The following SRSF5 variants were observed in gnomAD, a reference collection of about 807,000 sequenced individuals.
The protein encoded by SRSF5 is serine/arginine-rich splicing factor 5.
A neutral mutation model predicts 34.0 loss-of-function variants in SRSF5; 5 were observed. That is an observed-to-expected ratio of 0.15 (90% CI 0.08 to 0.31). The LOEUF (loss-of-function observed/expected upper bound fraction) is 0.31, where lower values mean the gene tolerates loss of function less well. Among genes scored for constraint, SRSF5 ranks in the 10% least tolerant of loss-of-function variants. The probability of loss-of-function intolerance (pLI) is 1.00; values close to 1 mark genes in which losing one functional copy is unlikely to be tolerated. For synonymous variants in SRSF5, 164 were observed against 117.7 expected (o/e 1.39, Z -2.55); for missense variants, 223 against 351.4 (o/e 0.63, Z 2.92).
At chr14:69,770,360 C>CTT in intron 5 of SRSF5, 107 bp from the exon 6 acceptor site, 1 of 1,490,324 alleles carries the variant, frequency 6.7e-7, no homozygotes, top group South Asian at 1.4e-5. Context: ...CATGTTTGTA[C>CTT]TTTATCTAAC....
chr14:69,768,592 C>G lies in SRSF5; in HGVS notation c.127-12C>G, dbSNP rs1882826586. The G allele has an allele frequency of 6.2e-7, 1 of 1,613,332 alleles. No homozygotes were observed. Among genetic ancestry groups the G allele is most frequent in the Non-Finnish European group, 8.5e-7 (1 of 1,179,430 alleles). ...TAAAGCCAATGTTAAGAGTCTTATG[C>G]TTACATTTTAGGAATTTGAGGATCC... On this transcript the variant is annotated splice_polypyrimidine_tract_variant and intron_variant, in intron 2 of 7. Coordinates refer to ENST00000557154, the MANE Select transcript of SRSF5 (RefSeq NM_001320214.2).
intron 6 of SRSF5, 182 bp from the exon 7 acceptor site, chr14:69,770,813 T>C: frequency 3.0e-6 from 2 of 673,518 alleles, no homozygotes; most frequent in Non-Finnish European, 5.0e-6. Flanking sequence ...CCCTCAACAA[T>C]GAATTGGCTC....
Position 69,768,148 on chromosome 14 carries a change from C to T in SRSF5, c.-9C>T, listed in dbSNP as rs1435559999. 5.0e-6 allele frequency: 8 copies of T among 1,613,978 alleles called. No homozygotes were observed. Among genetic ancestry groups the T allele is most frequent in the South Asian group, 4.4e-5 (4 of 91,082 alleles). ...ATTACTTTCTAATAGGAAGTACTAG[C>T]CGGACATCATGAGTGGCTGTCGGGT... On this transcript the variant is annotated 5_prime_UTR_variant, in exon 2 of 8. Transcript: ENST00000557154.
At chr14:69,767,702 C>T (rs981057831) in intron 1 of SRSF5, 6 of 363,666 alleles carry the variant, frequency 1.6e-5, no homozygotes, top group South Asian at 9.9e-5. Context: ...AGAGCGCCCG[C>T]CCGCTGCTGT....
At chr14:69,767,705 G>T (rs145064400) in intron 1 of SRSF5, 199 of 361,970 alleles carry the variant, frequency 5.5e-4, no homozygotes, top group African/African-American at 3.6e-3. Context: ...GCGCCCGCCC[G>T]CTGCTGTTGG....
Position 69,771,648 on chromosome 14 carries a change from G to T in SRSF5, c.*187G>T. The T allele has an allele frequency of 1.4e-5, 9 of 648,284 alleles. No individual in the cohort carries two copies. The highest frequency in any genetic ancestry group is 1.8e-5 in the Non-Finnish European group (7 of 390,046). The allele number at this position is 648,284 out of a possible 1,614,324, so 40.2% of individuals were successfully genotyped here. The stretch of plus-strand genomic sequence containing the variant: ...ACCAAGGGGTTGTTGAAAACTAATT[G>T]TATTAAATGTCTTTTGATAAGCCTT... On this transcript the variant is annotated 3_prime_UTR_variant, in exon 8 of 8. Coordinates refer to ENST00000557154, the MANE Select transcript of SRSF5 (RefSeq NM_001320214.2).
Position 69,771,255 on chromosome 14 carries a change from C to G in SRSF5, c.613C>G (p.Arg205Gly), listed in dbSNP as rs1332582034. The change falls in exon 8 of 8, where the codon CGT (arginine) becomes GGT (glycine). Residue 205 changes from arginine (R) to glycine (G), a missense_variant. Physicochemically the swap from Arg to Gly is moderately radical, Grantham distance 125. Coordinates refer to ENST00000557154, the MANE Select transcript of SRSF5 (RefSeq NM_001320214.2). Reference protein sequence around the residue: ...RSSSRSRSRSRSRSRKSYSRS... With the variant: ...RSSSRSRSRSGSRSRKSYSRS... ...TTCCTCTAGGTCTCGTAGCCGATCC[C>G]GTTCCCGTAGTCGCAAATCTTACAG... The G allele has an allele frequency of 1.2e-6, 2 of 1,614,094 alleles. No homozygotes were observed. The highest frequency in any genetic ancestry group is 8.5e-7 in the Non-Finnish European group (1 of 1,180,026).
At position 69,771,267 on chromosome 14, in the gene SRSF5, C is replaced by G. The variant is rs549213868; in HGVS notation, c.625C>G (p.Arg209Gly). The G allele has an allele frequency of 2.6e-5, 42 of 1,613,944 alleles. No individual in the cohort carries two copies. Among genetic ancestry groups the G allele is most frequent in the Middle Eastern group, 1.6e-4 (1 of 6,082 alleles). The change falls in exon 8 of 8, where the codon CGC (arginine) becomes GGC (glycine). Residue 209 changes from arginine (R) to glycine (G), a missense_variant. Arg to Gly is a moderately radical substitution (Grantham distance 125). This residue lies in a region of SRSF5 where 115 missense variants were observed against 119.7 expected (regional missense o/e 0.96). Coordinates refer to ENST00000557154, the MANE Select transcript of SRSF5 (RefSeq NM_001320214.2). The part of the protein sequence containing the change: ...RSRSRSRSRS[R>G]KSYSRSRSRS... The stretch of plus-strand genomic sequence containing the variant: ...TCGTAGCCGATCCCGTTCCCGTAGT[C>G]GCAAATCTTACAGCCGGTCAAGAAG...
rs750159616 is a variant in SRSF5, at chr14:69,771,043, A to G, written c.489A>G (p.Lys163=). 7 of 1,613,904 alleles carry G rather than the reference A, an allele frequency of 4.3e-6. No individual in the cohort carries two copies. Among genetic ancestry groups the G allele is most frequent in the African/African-American group, 1.3e-5 (1 of 74,924 alleles). ...GTGACTTAAAGAATGCTATTGAAAA[A>G]CTTTCTGGAAAGGAAATAAATGGGA... ...SYGDLKNAIE[K]LSGKEINGRK... The change falls in exon 7 of 8, where the codon AAA becomes AAG. Residue 163 remains lysine (K), a synonymous_variant. Coordinates refer to ENST00000557154, the MANE Select transcript of SRSF5 (RefSeq NM_001320214.2).
chr14:69,769,393 G>A, intron 5 of SRSF5, 142 bp downstream of exon 5: 1 of 1,498,002 alleles, frequency 6.7e-7, no homozygotes, highest in Non-Finnish European at 8.9e-7. Flanking sequence ...TTAATTAAAT[G>A]TAATTTGGGG....
At chr14:69,769,029 T>A in intron 4 of SRSF5, 133 bp downstream of exon 4, 1 of 1,276,092 alleles carries the variant, frequency 7.8e-7, no homozygotes, top group Non-Finnish European at 1.1e-6. Context: ...AGCCAGTTGT[T>A]CTTGATGAAT....
At chr14:69,767,513 C>T (rs1293442784) in intron 1 of SRSF5, 5 of 455,944 alleles carry the variant, frequency 1.1e-5, no homozygotes, top group Non-Finnish European at 1.8e-5. Flanking sequence ...TCTTCATCTC[C>T]TGGACACGTA....
chr14:69,768,731 G>A, intron 3 of SRSF5, 57 bp downstream of exon 3: 1 of 1,605,278 alleles, frequency 6.2e-7, no homozygotes, highest in East Asian at 2.2e-5. Context: ...GGGTCTGCTG[G>A]CATATTTTTC....
At chr14:69,770,155 ACT>A (rs781115471) in intron 5 of SRSF5, 9 of 1,078,204 alleles carry the variant, frequency 8.3e-6, no homozygotes, top group East Asian at 6.5e-5. Flanking sequence ...AAAAATATGT[ACT>A]GTTTCCTTTT....
intron 5 of SRSF5, chr14:69,769,798 T>TA: frequency 7.4e-7 from 1 of 1,349,218 alleles, no homozygotes; most frequent in Non-Finnish European, 9.5e-7. Context: ...AGTTGAAAGA[T>TA]ACGAAATTAG....
chr14:69,771,599 T>G lies in SRSF5; in HGVS notation c.*138T>G. The G allele has an allele frequency of 1.1e-6, 1 of 928,846 alleles. No homozygotes were observed. Among genetic ancestry groups the G allele is most frequent in the Non-Finnish European group, 1.6e-6 (1 of 636,028 alleles). 57.5% of individuals were successfully genotyped at this position (928,846 alleles called of 1,614,324 possible). A position where few individuals can be genotyped will look rare whatever the true frequency, so the allele number is the denominator to read the frequency against. ...ATTTGGAAGGGGGGTTGGGTTGGGC[T>G]GGATATCTTTGTAGATGTGGACCAC... On this transcript the variant is annotated 3_prime_UTR_variant, in exon 8 of 8. Transcript: ENST00000557154.
rs560656434 is a variant in SRSF5, at chr14:69,768,633, T to C, written c.156T>C (p.Asp52=). ...TTGAGGATCCAAGGGATGCAGATGATGCTGTGTATGAGCTTGATGGAAAAG... is the reference window on the plus strand; with the variant it reads ...TTGAGGATCCAAGGGATGCAGATGACGCTGTGTATGAGCTTGATGGAAAAG... The part of the protein sequence containing the change: ...VEFEDPRDAD[D]AVYELDGKEL... Residue 52 remains aspartate (D), a synonymous_variant, in exon 3 of 8, where the codon GAT becomes GAC. Coordinates refer to ENST00000557154, the MANE Select transcript of SRSF5 (RefSeq NM_001320214.2). 5 of 1,614,250 alleles carry C rather than the reference T, an allele frequency of 3.1e-6. No individual in the cohort carries two copies. In the East Asian group the frequency reaches 6.7e-5, roughly 22 times the overall value.
Position 69,769,201 on chromosome 14 carries a change from A to G in SRSF5, c.316A>G (p.Thr106Ala). Residue 106 changes from threonine to alanine, a missense_variant, in exon 5 of 8, where the codon ACA becomes GCA. By Grantham distance (58) the Thr-to-Ala change is moderately conservative. Coordinates refer to ENST00000557154, the MANE Select transcript of SRSF5 (RefSeq NM_001320214.2). ...CCTCAGAAATGCTCCACCTGTAAGA[A>G]CAGAAAATCGTCTTATAGTTGAGAA... ...NDRRNAPPVR[T>A]ENRLIVENLS... 1 of 1,614,196 alleles carries G rather than the reference A, an allele frequency of 6.2e-7. No individual in the cohort carries two copies. Among genetic ancestry groups the G allele is most frequent in the Non-Finnish European group, 8.5e-7 (1 of 1,180,038 alleles).
At chr14:69,771,154 T>C (rs772880974) in intron 7 of SRSF5, 40 bp from the exon 8 acceptor site, 4 of 1,613,636 alleles carry the variant, frequency 2.5e-6, no homozygotes, top group South Asian at 1.1e-5. Context: ...GGGTTTGTTG[T>C]AGAGTCTTAT....
Sources: gnomAD v4.1 joint callset for allele counts on GRCh38, gnomAD v4.1.1 for gene constraint, gnomAD v4.1.1 regional missense constraint, MANE v1.5 for transcripts, NCBI Gene and HGNC (gene_info 2026-07-23, HGNC 2026-07-21) for gene names.